FIP1L1: variants seen among roughly 807,000 people sequenced by gnomAD.
The protein encoded by FIP1L1 is pre-mRNA 3'-end-processing factor FIP1.
Under a neutral mutation model 84.6 loss-of-function variants are expected in FIP1L1, and 21 were observed. That is an observed-to-expected ratio of 0.25 (90% CI 0.18 to 0.36). The LOEUF (loss-of-function observed/expected upper bound fraction) is 0.36, where lower values mean the gene tolerates loss of function less well. Among genes scored for constraint, FIP1L1 ranks in the 10% least tolerant of loss-of-function variants. The pLI, the probability that FIP1L1 is intolerant of heterozygous loss-of-function variation, is 1.00. For synonymous variants in FIP1L1, 263 were observed against 242.3 expected, an observed-to-expected ratio of 1.09 and a Z score of -0.80; for missense variants, 526 against 751.1, an observed-to-expected ratio of 0.70 and a Z score of 3.50.
intron 5 of FIP1L1, 107 bp from the exon 6 acceptor site, chr4:53,389,702 C>T (rs1443853859): frequency 2.6e-6 from 2 of 776,456 alleles, no homozygotes; most frequent in Non-Finnish European, 4.2e-6. Context: ...GTCACACTAT[C>T]CATTTACTAT....
In FIP1L1 at chr4:53,420,214, A is replaced by AAAAAAAC. The variant is rs1560540772; in HGVS notation, c.923+5498_923+5499insCAAAAAA. Among the ~76,000 whole-genome samples the AAAAAAAC allele has an allele frequency of 5.5e-5, 8 of 146,620 alleles. No homozygotes were observed. The East Asian group carries it at 1.0e-3, about 18-fold the overall frequency. On this transcript the variant is annotated intron_variant, in intron 11 of 17. Coordinates refer to ENST00000337488, the MANE Select transcript of FIP1L1 (RefSeq NM_030917.4). ...CTCCGTCTCAAAAAAAAAAAAAAAAAAAAAAAAAAAACCAGCCTGACCAAC... is the reference window on the plus strand; with the variant it reads ...CTCCGTCTCAAAAAAAAAAAAAAAAAAAAAAACAAAAAAAAAAACCAGCCTGACCAAC...
rs1233783949 is a variant in FIP1L1, at chr4:53,420,393, C to T, written c.924-5479C>T. Among the ~76,000 whole-genome samples, 4 of 140,374 alleles carry T rather than the reference C, an allele frequency of 2.8e-5. No individual in the cohort carries two copies. The East Asian group carries it at 6.2e-4, about 22-fold the overall frequency. 92.1% of individuals were successfully genotyped at this position (140,374 alleles called of 152,430 possible). ...GTGGTGAGCTGAGATCGTGCCATTGCACTCCAACCTGGGCAACAAGAGTGA... is the reference window on the plus strand; with the variant it reads ...GTGGTGAGCTGAGATCGTGCCATTGTACTCCAACCTGGGCAACAAGAGTGA... On this transcript the variant is annotated intron_variant, in intron 11 of 17. Transcript: ENST00000337488.
intron 13 of FIP1L1, among the ~76,000 whole-genome samples, chr4:53,438,509 T>C (rs575906077): frequency 2.0e-5 from 3 of 152,220 alleles, no homozygotes; most frequent in Non-Finnish European, 4.4e-5. Context: ...AAGATTTGCA[T>C]TGAAATAACA....
intron 10 of FIP1L1, among the ~76,000 whole-genome samples, chr4:53,406,879 G>A (rs1224059087): frequency 6.6e-6 from 1 of 152,070 alleles, no homozygotes; most frequent in Non-Finnish European, 1.5e-5. Flanking sequence ...TTTTTATTGT[G>A]TGTATTTGAT....
intron 13 of FIP1L1, among the ~76,000 whole-genome samples, chr4:53,431,877 G>A (rs1280989391): frequency 6.6e-6 from 1 of 152,176 alleles, no homozygotes; most frequent in Non-Finnish European, 1.5e-5. Flanking sequence ...ATAGTTCACA[G>A]AAGAGGAGAA....
At chr4:53,414,143 AATAGT>A (rs1758407088) in intron 10 of FIP1L1, among the ~76,000 whole-genome samples, 2 of 152,168 alleles carry the variant, frequency 1.3e-5, no homozygotes, top group Admixed American at 1.3e-4. Flanking sequence ...TTTTTTATAA[AATAGT>A]ATAGGTTTTT....
intron 8 of FIP1L1, 29 bp from the exon 9 acceptor site, chr4:53,391,401 C>G: frequency 6.3e-7 from 1 of 1,581,692 alleles, no homozygotes; most frequent in Non-Finnish European, 8.7e-7. Flanking sequence ...TATGTGGTAT[C>G]TTAATGGGGA....
At chr4:53,427,526 T>G (rs1323201286) in intron 12 of FIP1L1, among the ~76,000 whole-genome samples, 1 of 152,212 alleles carries the variant, frequency 6.6e-6, no homozygotes, top group Admixed American at 6.5e-5. Context: ...TTGCTTGCAG[T>G]CTGTTGACAC....
rs1394148055 is a variant in FIP1L1 at position 53,390,640 on chromosome 4, G to T, written c.505+12G>T. ...ATGGCGTAAACCTGGTAAGATTATT[G>T]TGGATTATATTAATTTCAATATTTT... On this transcript the variant is annotated intron_variant, in intron 7 of 17. Transcript: ENST00000337488. 8 of 1,539,058 alleles carry T rather than the reference G, an allele frequency of 5.2e-6. No homozygotes were observed. In the Admixed American group the frequency reaches 7.2e-5, roughly 14 times the overall value.
At chr4:53,407,225 G>A (rs891262614) in intron 10 of FIP1L1, among the ~76,000 whole-genome samples, 2 of 152,094 alleles carry the variant, frequency 1.3e-5, no homozygotes, top group African/African-American at 4.8e-5. Context: ...GTTCTCGTTG[G>A]TTTCAAAGAA....
At position 53,460,671 on chromosome 4, in the gene FIP1L1, A is replaced by AAAC. The variant is rs1263581972; in HGVS notation, c.*1225_*1227dup. 7.3e-6 allele frequency: 3 copies of AAAC among 408,912 alleles called. 1 individual carries two copies. The highest frequency in any genetic ancestry group is 9.2e-5 in the Admixed American group (2 of 21,632). 25.3% of individuals were successfully genotyped at this position (408,912 alleles called of 1,614,324 possible). A position where few individuals can be genotyped will look rare whatever the true frequency, so the allele number is the denominator to read the frequency against. On this transcript the variant is annotated 3_prime_UTR_variant, in exon 18 of 18. Coordinates refer to ENST00000337488, the MANE Select transcript of FIP1L1 (RefSeq NM_030917.4). ...GCTTTTTATTGAATAGAAAAAATAT[A>AAAC]AACAATGTTGTAGAGTAATGAGAAA...
chr4:53,440,790 A>G (rs1325758571), intron 13 of FIP1L1: 1 of 567,626 alleles, frequency 1.8e-6, no homozygotes, highest in Non-Finnish European at 3.2e-6. Context: ...TAGTTTTCTT[A>G]TACCTGTCTT....
At chr4:53,382,423 A>T in intron 4 of FIP1L1, 88 bp downstream of exon 4, 1 of 1,033,738 alleles carries the variant, frequency 9.7e-7, no homozygotes, top group Non-Finnish European at 1.5e-6. Flanking sequence ...GGCATTTTAC[A>T]TTACCTTCAG....
chr4:53,458,870 A>C (rs1720908863), intron 17 of FIP1L1, 80 bp downstream of exon 17: 1 of 1,487,054 alleles, frequency 6.7e-7, no homozygotes, highest in African/African-American at 1.4e-5. Flanking sequence ...GAAGAGGGGA[A>C]ATTTTGGCCT....
intron 11 of FIP1L1, 112 bp from the exon 12 acceptor site, chr4:53,425,760 T>G: frequency 1.4e-6 from 1 of 734,340 alleles, no homozygotes; most frequent in Non-Finnish European, 2.2e-6. Context: ...TGTGATCTGG[T>G]TTTATTTTAA....
chr4:53,427,833 T>C (rs1764944870), intron 12 of FIP1L1, among the ~76,000 whole-genome samples, 194 bp from the exon 13 acceptor site: 1 of 152,224 alleles, frequency 6.6e-6, no homozygotes, highest in Non-Finnish European at 1.5e-5. Flanking sequence ...TAAAACTGTA[T>C]GTATGTGTAT....
intron 13 of FIP1L1, among the ~76,000 whole-genome samples, chr4:53,438,304 A>G (rs144980147): frequency 3.3e-4 from 51 of 152,258 alleles, no homozygotes; most frequent in African/African-American, 1.2e-3. Context: ...TTTGAGATGA[A>G]TTTTCTCTTC....
At chr4:53,398,210 GT>G (rs1482266126) in intron 9 of FIP1L1, among the ~76,000 whole-genome samples, 1 of 152,110 alleles carries the variant, frequency 6.6e-6, no homozygotes, top group Non-Finnish European at 1.5e-5. Flanking sequence ...GATCCTGTCA[GT>G]TTTACCTGTC....
intron 9 of FIP1L1, among the ~76,000 whole-genome samples, chr4:53,397,287 G>C (rs1747899272): frequency 6.6e-6 from 1 of 152,172 alleles, no homozygotes; most frequent in African/African-American, 2.4e-5. Context: ...CTTTTGGGTG[G>C]TTGAGTAGCT....
Sources: allele counts gnomAD v4.1 joint callset (sites outside exome capture counted in the v4.1 genomes callset), GRCh38; gene constraint gnomAD v4.1.1; transcripts MANE v1.5; gene names NCBI Gene and HGNC (gene_info 2026-07-23, HGNC 2026-07-21).